RASSF5: variants seen among roughly 807,000 people sequenced by gnomAD.
RASSF5 encodes the protein ras association domain-containing protein 5.
In RASSF5, 25 loss-of-function variants were observed where a neutral mutation model predicts 40.5. The observed-to-expected ratio is 0.62, with a 90% CI of 0.45 to 0.86. The LOEUF is 0.86. Among genes scored for constraint, RASSF5 ranks in the 40% least tolerant of loss-of-function variants. RASSF5 has a pLI of 0.00. For synonymous variants in RASSF5, 246 were observed against 252.4 expected (o/e 0.97, Z 0.24); for missense variants, 521 against 572.8 (o/e 0.91, Z 0.92).
intron 2 of RASSF5, among the ~76,000 whole-genome samples, chr1:206,546,222 C>T (rs949324224): frequency 4.7e-5 from 7 of 149,476 alleles, no homozygotes; most frequent in African/African-American, 1.7e-4. Context: ...TGATCCTCCA[C>T]TTCAGCCTCT....
Position 206,584,503 on chromosome 1 carries a change from C to G in RASSF5, c.807C>G (p.Asn269Lys), listed in dbSNP as rs782184864. 1 of 1,614,088 alleles carries G rather than the reference C, an allele frequency of 6.2e-7. No individual in the cohort carries two copies. The highest frequency in any genetic ancestry group is 1.1e-5 in the South Asian group (1 of 91,076). Residue 269 changes from asparagine (N) to lysine (K), a missense_variant, in exon 4 of 6, where the codon AAC becomes AAG. Transcript: ENST00000579436. The surrounding 1 kb of genome is among the most constrained non-coding windows in gnomAD (Gnocchi z 4.9). ...TCTATGATGCCATCAAGGAGGTGAA[C>G]CTGGCGGCTACCACGGACAAGCGGA... ...QSIYDAIKEV[N>K]LAATTDKRTS...
chr1:206,540,338 T>G (rs1177700016), intron 2 of RASSF5, among the ~76,000 whole-genome samples: 1 of 152,232 alleles, frequency 6.6e-6, no homozygotes, highest in Non-Finnish European at 1.5e-5. Context: ...TGCTTTCATG[T>G]CTGAGTTTTT....
chr1:206,544,212 T>C (rs1486111669), intron 2 of RASSF5: 1 of 152,136 alleles, frequency 6.6e-6, no homozygotes, highest in African/African-American at 2.4e-5. Flanking sequence ...AGGTTTCTCT[T>C]CTGAGAAATG....
At chr1:206,553,355 G>T (rs1324922329) in intron 2 of RASSF5, among the ~76,000 whole-genome samples, 1 of 152,204 alleles carries the variant, frequency 6.6e-6, no homozygotes, top group Non-Finnish European at 1.5e-5. Context: ...CTTCATCTCA[G>T]AAGGGTAACT....
intron 2 of RASSF5, among the ~76,000 whole-genome samples, chr1:206,554,931 C>T (rs1553401548): frequency 6.6e-6 from 1 of 152,192 alleles, no homozygotes; most frequent in Non-Finnish European, 1.5e-5. Flanking sequence ...TCACTGACAG[C>T]TGGGACAGGG....
chr1:206,524,831 T>TA (rs1276843102), intron 1 of RASSF5, among the ~76,000 whole-genome samples: 2 of 150,940 alleles, frequency 1.3e-5, no homozygotes, highest in African/African-American at 4.9e-5. Flanking sequence ...TCAACACCAT[T>TA]ACATTTGTTT....
chr1:206,559,516 C>A lies in RASSF5; in HGVS notation c.579+21223C>A, dbSNP rs186298656. ...CTCTCCCTTCTTCCCCCCAGTTCTC[C>A]TTCCTCACCTGCCTCCAGAAAATAC... On this transcript the variant is annotated intron_variant, in intron 2 of 5. Transcript: ENST00000579436. Among the ~76,000 whole-genome samples the A allele has an allele frequency of 1.1e-3, 173 of 152,354 alleles. 1 individual carries two copies. Among genetic ancestry groups the A allele is most frequent in the African/African-American group, 3.6e-3 (150 of 41,576 alleles).
Position 206,584,879 on chromosome 1 carries a change from A to G in RASSF5, c.988+195A>G. On this transcript the variant is annotated intron_variant, in intron 4 of 5. Transcript: ENST00000579436. This position sits in a 1 kb window ranked among gnomAD's most constrained non-coding sequence, Gnocchi z 4.9. ...AGCAGAGTCCCTGACTCTGCATGTG[A>G]CTTCAGGAAAACCACACCCTAGGCT... 1.6e-6 allele frequency: 1 copy of G among 635,024 alleles called. No homozygotes were observed. Among genetic ancestry groups the G allele is most frequent in the East Asian group, 2.7e-5 (1 of 36,608 alleles). The allele number at this position is 635,024 out of a possible 1,614,324, so 39.3% of individuals were successfully genotyped here. A position where few individuals can be genotyped will look rare whatever the true frequency, so the allele number is the denominator to read the frequency against.
rs1015628700 is a variant in RASSF5 at position 206,507,628 on chromosome 1, G to C, written c.26G>C (p.Gly9Ala). The C allele has an allele frequency of 3.9e-6, 6 of 1,527,332 alleles. No individual in the cohort carries two copies. In the African/African-American group the frequency reaches 7.2e-5, roughly 18 times the overall value. 94.6% of individuals were successfully genotyped at this position (1,527,332 alleles called of 1,614,324 possible). ...ATGGCCATGGCGTCCCCGGCCATCG[G>C]GCAGCGCCCGTACCCGCTACTATTG... MAMASPAI[G>A]QRPYPLLLDP... The change falls in exon 1 of 6, where the codon GGG becomes GCG. Residue 9 changes from glycine (G) to alanine (A), a missense_variant. Gly to Ala is a moderately conservative substitution (Grantham distance 60, BLOSUM62 0). Around this residue, in one of 2 missense-constraint regions of RASSF5, gnomAD observed 237 missense variants for 212.0 expected, o/e 1.12. Coordinates refer to ENST00000579436, the MANE Select transcript of RASSF5 (RefSeq NM_182663.4).
intron 2 of RASSF5, among the ~76,000 whole-genome samples, chr1:206,562,414 T>C (rs143563409): frequency 2.0e-5 from 3 of 152,314 alleles, no homozygotes; most frequent in African/African-American, 4.8e-5. Flanking sequence ...CATTTGACTG[T>C]TTTTTATGTG....
intron 2 of RASSF5, among the ~76,000 whole-genome samples, chr1:206,568,936 G>A (rs1254988974): frequency 4.6e-5 from 7 of 152,298 alleles, no homozygotes; most frequent in Middle Eastern, 3.4e-3. Flanking sequence ...AGAGTGTGCC[G>A]TGACTCTATG....
intron 2 of RASSF5, among the ~76,000 whole-genome samples, chr1:206,561,234 A>G (rs1350621162): frequency 4.6e-5 from 7 of 152,200 alleles, no homozygotes; most frequent in Non-Finnish European, 1.0e-4. Flanking sequence ...TAGGCCACAC[A>G]TCTGTTTGGG....
chr1:206,526,921 G>A (rs781838535), intron 1 of RASSF5, among the ~76,000 whole-genome samples: 11 of 152,144 alleles, frequency 7.2e-5, no homozygotes, highest in Admixed American at 1.3e-4. Flanking sequence ...GCCAGGTGCC[G>A]TTGGATGCTT....
chr1:206,550,034 T>A (rs1553400853), intron 2 of RASSF5, among the ~76,000 whole-genome samples: 1 of 152,222 alleles, frequency 6.6e-6, no homozygotes, highest in African/African-American at 2.4e-5. Context: ...GCTGCCTTTG[T>A]CTCCCTAGAC....
intron 1 of RASSF5, chr1:206,529,398 G>T: frequency 1.3e-6 from 1 of 763,142 alleles, no homozygotes; most frequent in Non-Finnish European, 2.3e-6. Context: ...GGATCCCATT[G>T]AGCTGGTCGT....
chr1:206,516,134 G>C (rs936760982), intron 1 of RASSF5, among the ~76,000 whole-genome samples: 2 of 152,208 alleles, frequency 1.3e-5, no homozygotes, highest in African/African-American at 2.4e-5. Flanking sequence ...GGCTGAACTT[G>C]CCTCCAGCAT....
chr1:206,507,903 C>T lies in RASSF5; in HGVS notation c.301C>T (p.Arg101Cys), dbSNP rs782694757. The change falls in exon 1 of 6, where the codon CGC becomes TGC. Residue 101 changes from arginine to cysteine, a missense_variant. By Grantham distance (180) the Arg-to-Cys change is radical (BLOSUM62 -3). This residue lies in a region of RASSF5 where 237 missense variants were observed against 212.0 expected (regional missense o/e 1.12). Transcript: ENST00000579436. ...GCGGCGGCCTGGAGCGCCCCGACCC[C>T]GCGACGTGCGGAGCATCTTCGAGCA... is the stretch of plus-strand genomic sequence containing the variant. Reference protein sequence around the residue: ...LRRRPGAPRPRDVRSIFEQPQ... With the variant: ...LRRRPGAPRPCDVRSIFEQPQ... 6 of 1,506,170 alleles carry T rather than the reference C, an allele frequency of 4.0e-6. No individual in the cohort carries two copies. The highest frequency in any genetic ancestry group is 2.1e-4 in the Middle Eastern group (1 of 4,726). The allele number at this position is 1,506,170 out of a possible 1,614,324, so 93.3% of individuals were successfully genotyped here.
chr1:206,527,131 A>C lies in RASSF5; in HGVS notation c.458-11041A>C, dbSNP rs12081892. Among the ~76,000 whole-genome samples the C allele has an allele frequency of 9.3e-3, 1,422 of 152,232 alleles. 22 individuals carry two copies. The highest frequency in any genetic ancestry group is 0.033 in the African/African-American group (1,361 of 41,526). On this transcript the variant is annotated intron_variant, in intron 1 of 5. Coordinates refer to ENST00000579436, the MANE Select transcript of RASSF5 (RefSeq NM_182663.4). ...TGACTCCAGAGTCCAGATTCATTGC[A>C]CGCCCCAGCACCCGATTGAGTGTTC...
chr1:206,570,922 C>T (rs1668430696), intron 2 of RASSF5, among the ~76,000 whole-genome samples: 1 of 152,048 alleles, frequency 6.6e-6, no homozygotes, highest in African/African-American at 2.4e-5. Flanking sequence ...ATATTTGAGT[C>T]CTTGCTCTCA....
Sources: allele counts gnomAD v4.1 joint callset (sites outside exome capture counted in the v4.1 genomes callset), GRCh38; gene constraint gnomAD v4.1.1; regional missense constraint gnomAD v4.1.1; non-coding constraint Gnocchi (gnomAD v3.1); transcripts MANE v1.5; gene names NCBI Gene and HGNC (gene_info 2026-07-23, HGNC 2026-07-21).